Variants in MANBA observed in about 807,000 individuals in gnomAD.
The protein encoded by MANBA is beta-mannosidase.
In MANBA, 83 loss-of-function variants were observed where a neutral mutation model predicts 111.1. That is an observed-to-expected ratio of 0.75 (90% CI 0.63 to 0.90). The LOEUF (loss-of-function observed/expected upper bound fraction) is 0.90. Among genes scored for constraint, MANBA ranks in the 40% least tolerant of loss-of-function variants. The pLI is 0.00. For missense variants in MANBA, 1,036 were observed against 1,069.0 expected (o/e 0.97, Z 0.43); for synonymous variants, 370 against 378.7 (o/e 0.98, Z 0.27).
In MANBA at chr4:102,723,055, A is replaced by G. The variant is rs1722650439; in HGVS notation, c.379-14T>C. ...AATATCAAAGCTCTAAGTTAAAGGG[A>G]ACAATCAGACAAACCCATGATGTGG... On this transcript the variant is annotated splice_polypyrimidine_tract_variant and intron_variant, in intron 3 of 16. Coordinates refer to ENST00000647097, the MANE Select transcript of MANBA (RefSeq NM_005908.4). The G allele has an allele frequency of 1.1e-5, 17 of 1,611,232 alleles. No individual in the cohort carries two copies. Among genetic ancestry groups the G allele is most frequent in the Non-Finnish European group, 1.4e-5 (17 of 1,177,968 alleles).
intron 4 of MANBA, among the ~76,000 whole-genome samples, chr4:102,716,648 C>A (rs1214237903): frequency 1.3e-5 from 2 of 152,088 alleles, no homozygotes; most frequent in African/African-American, 4.8e-5. Flanking sequence ...CTAATTTCTA[C>A]TTCTTAAAAG....
intron 11 of MANBA, among the ~76,000 whole-genome samples, chr4:102,660,042 G>A (rs1484156556): frequency 1.3e-5 from 2 of 152,146 alleles, no homozygotes; most frequent in Non-Finnish European, 2.9e-5. Flanking sequence ...TTGACCTCAT[G>A]TTCACCACCA....
intron 5 of MANBA, among the ~76,000 whole-genome samples, chr4:102,693,911 C>T (rs1337303807): frequency 1.3e-5 from 2 of 152,160 alleles, no homozygotes; most frequent in African/African-American, 4.8e-5. Flanking sequence ...TAAAGACTCC[C>T]TTTACACTGA....
At chr4:102,703,981 G>A (rs1733180910) in intron 5 of MANBA, among the ~76,000 whole-genome samples, 1 of 152,100 alleles carries the variant, frequency 6.6e-6, no homozygotes, top group African/African-American at 2.4e-5. Context: ...TGTAGTACCA[G>A]CTACTCGGGA....
intron 5 of MANBA, among the ~76,000 whole-genome samples, chr4:102,712,966 G>T (rs1263701001): frequency 6.6e-6 from 1 of 152,148 alleles, no homozygotes; most frequent in Non-Finnish European, 1.5e-5. Flanking sequence ...CAGAAGAATA[G>T]TTTGGGAAGC....
intron 4 of MANBA, among the ~76,000 whole-genome samples, chr4:102,718,885 C>A (rs535700321): frequency 4.6e-5 from 7 of 152,070 alleles, no homozygotes; most frequent in Admixed American, 4.6e-4. Context: ...GGGATTTTAA[C>A]AGGGGAGGGG....
chr4:102,704,823 A>C (rs1733226521), intron 5 of MANBA, among the ~76,000 whole-genome samples: 1 of 152,194 alleles, frequency 6.6e-6, no homozygotes, highest in African/African-American at 2.4e-5. Context: ...ACATCAAACA[A>C]CCAAATTGAT....
At chr4:102,671,197 G>T in intron 9 of MANBA, 84 bp downstream of exon 9, 1 of 897,168 alleles carries the variant, frequency 1.1e-6, no homozygotes, top group Non-Finnish European at 1.9e-6. Context: ...TCTGAGACTG[G>T]GGCAATTGCA....
intron 4 of MANBA, among the ~76,000 whole-genome samples, chr4:102,721,114 A>T (rs949312659): frequency 1.3e-5 from 2 of 152,180 alleles, no homozygotes; most frequent in Non-Finnish European, 2.9e-5. Flanking sequence ...ACCTGAGGTC[A>T]GGAGTTCAAG....
intron 5 of MANBA, among the ~76,000 whole-genome samples, chr4:102,691,200 A>G (rs1407830100): frequency 6.6e-5 from 10 of 152,132 alleles, no homozygotes. Context: ...GTAATAAGGT[A>G]TAAATTTATA....
intron 1 of MANBA, 81 bp from the exon 2 acceptor site, chr4:102,726,764 TAAC>T: frequency 1.3e-6 from 1 of 775,420 alleles, no homozygotes; most frequent in Non-Finnish European, 2.3e-6. Context: ...AATAAATTAT[TAAC>T]AACAGCTATT....
rs543481825 is a variant in MANBA at position 102,664,786 on chromosome 4, G to A, written c.1384C>T (p.Leu462=). ...CTGATATGATACCAATTCATCATCAGCGCCTCCTCATTTTCATTATTGCCA... is the reference window on the plus strand; with the variant it reads ...CTGATATGATACCAATTCATCATCAACGCCTCCTCATTTTCATTATTGCCA... ...WSGNNENEEA[L]MMNWYHISFT... The change falls in exon 11 of 17, where the codon CTG becomes TTG. Residue 462 remains leucine, a synonymous_variant. Coordinates refer to ENST00000647097, the MANE Select transcript of MANBA (RefSeq NM_005908.4). 1.7e-5 allele frequency: 28 copies of A among 1,610,232 alleles called. 1 individual carries two copies. The South Asian group carries it at 2.6e-4, about 15-fold the overall frequency.
Position 102,671,844 on chromosome 4 carries a change from T to C in MANBA, c.1113-446A>G, listed in dbSNP as rs866357579. 1.0e-4 allele frequency: 44 copies of C among 428,090 alleles called. 1 individual carries two copies. The Middle Eastern group carries it at 4.2e-3, about 41-fold the overall frequency. The allele number at this position is 428,090 out of a possible 1,614,324, so 26.5% of individuals were successfully genotyped here. A position where few individuals can be genotyped will look rare whatever the true frequency, so the allele number is the denominator to read the frequency against. On this transcript the variant is annotated intron_variant, in intron 8 of 16. Transcript: ENST00000647097. ...TTTCTCTAGTAAATTTCCTTTCTAC[T>C]TTTTCCAATTCCTATTCACATTACC...
chr4:102,690,806 T>C (rs563515704), intron 5 of MANBA, 35 bp from the exon 6 acceptor site: 20 of 729,800 alleles, frequency 2.7e-5, no homozygotes, highest in African/African-American at 1.8e-5. Flanking sequence ...TATATATATA[T>C]ATATATAATA....
At chr4:102,696,034 C>T (rs746316813) in intron 5 of MANBA, among the ~76,000 whole-genome samples, 9 of 151,956 alleles carry the variant, frequency 5.9e-5, no homozygotes, top group Non-Finnish European at 1.3e-4. Flanking sequence ...TTGAGACCAG[C>T]CTGGGCTACA....
At chr4:102,724,080 T>C (rs1722692111) in intron 2 of MANBA, 113 bp from the exon 3 acceptor site, 1 of 683,700 alleles carries the variant, frequency 1.5e-6, no homozygotes, top group Admixed American at 2.7e-5. Context: ...AAATATATGT[T>C]CTTAAAAGGC....
chr4:102,729,762 T>C, intron 1 of MANBA: 1 of 1,233,548 alleles, frequency 8.1e-7, no homozygotes, highest in South Asian at 1.2e-5. Flanking sequence ...GAACATGTTG[T>C]CCATGTTGCT....
In MANBA at chr4:102,641,300, G is replaced by A. The variant is rs140790255; in HGVS notation, c.1870-1443C>T. 6.0e-3 allele frequency among the ~76,000 whole-genome samples: 908 copies of A among 152,290 alleles called. 8 individuals are homozygous for A. The highest frequency in any genetic ancestry group is 0.021 in the African/African-American group (864 of 41,560). ...AGCCGGGAGCAATGGAAGAGAAGCTGGTGAGAATTGCAGGGGCCAGACCCT... is the reference window on the plus strand; with the variant it reads ...AGCCGGGAGCAATGGAAGAGAAGCTAGTGAGAATTGCAGGGGCCAGACCCT... On this transcript the variant is annotated intron_variant, in intron 13 of 16. Transcript: ENST00000647097.
At chr4:102,741,396 T>G (rs1723397678) in intron 1 of MANBA, among the ~76,000 whole-genome samples, 1 of 152,176 alleles carries the variant, frequency 6.6e-6, no homozygotes, top group South Asian at 2.1e-4. Flanking sequence ...CTTAAAGAAC[T>G]AAACGTAGAA....
Sources: gnomAD v4.1 joint callset for allele counts (sites outside exome capture counted in the v4.1 genomes callset) on GRCh38, gnomAD v4.1.1 for gene constraint, MANE v1.5 for transcripts, NCBI Gene and HGNC (gene_info 2026-07-23, HGNC 2026-07-21) for gene names.